MINK1: variants seen among roughly 807,000 people sequenced by gnomAD.
MINK1 encodes misshapen-like kinase 1.
Under a neutral mutation model 178.4 loss-of-function variants are expected in MINK1, and 46 were observed. That is an observed-to-expected ratio of 0.26 (90% confidence interval 0.20 to 0.33). The LOEUF is 0.33. MINK1 is among the 10% of genes least tolerant of loss of function. MINK1 has a pLI of 1.00. For synonymous variants in MINK1, 797 were observed against 709.7 expected (o/e 1.12, Z -1.96); for missense variants, 1,366 against 1,814.9 (o/e 0.75, Z 4.49).
At chr17:4,853,532 G>C (rs137902653) in intron 1 of MINK1, among the ~76,000 whole-genome samples, 1 of 151,812 alleles carries the variant, frequency 6.6e-6, no homozygotes. Context: ...AAGTTTGAGC[G>C]CTTGCTTCAC....
At chr17:4,893,233 A>C (rs1464401885) in intron 20 of MINK1, 166 bp downstream of exon 20, 1 of 1,608,000 alleles carries the variant, frequency 6.2e-7, no homozygotes, top group Non-Finnish European at 8.5e-7. Flanking sequence ...CTCTCTCCTA[A>C]CCTCTCTCCT....
chr17:4,887,628 C>T lies in MINK1; in HGVS notation c.1068C>T (p.Leu356=), dbSNP rs1433534315. 6.4e-7 allele frequency: 1 copy of T among 1,566,982 alleles called. No homozygotes were observed. Among genetic ancestry groups the T allele is most frequent in the South Asian group, 1.2e-5 (1 of 84,534 alleles). ...AGTCGACTCTACGCCGGGAGTTTCT[C>T]CGGCTCCAGCAGGAAAATAAGAGCA... ...PGESTLRREF[L]RLQQENKSNS... is the part of the protein sequence containing the mutation. Residue 356 remains leucine (L), a synonymous_variant, in exon 12 of 32, where the codon CTC becomes CTT. Transcript: ENST00000355280. This position sits in a 1 kb window ranked among gnomAD's most constrained non-coding sequence, Gnocchi z 7.6.
chr17:4,860,337 G>C (rs1597437345), intron 1 of MINK1, among the ~76,000 whole-genome samples: 3 of 152,148 alleles, frequency 2.0e-5, no homozygotes, highest in Non-Finnish European at 4.4e-5. Context: ...GGGACTGACG[G>C]GGGTTTCACC....
In MINK1 at chr17:4,887,511, C is replaced by A; in HGVS notation, c.1020-69C>A. 7.2e-7 allele frequency: 1 copy of A among 1,384,548 alleles called. No homozygotes were observed. The highest frequency in any genetic ancestry group is 9.6e-7 in the Non-Finnish European group (1 of 1,039,300). 85.8% of individuals were successfully genotyped at this position (1,384,548 alleles called of 1,614,324 possible). On this transcript the variant is annotated intron_variant, in intron 11 of 31. Transcript: ENST00000355280. The surrounding 1 kb of genome is among the most constrained non-coding windows in gnomAD (Gnocchi z 7.6). ...CAGTTAAAGCACCCACTCAGGCGGG[C>A]CCACGGGGTTGAGAGTGGGAACCAA...
intron 1 of MINK1, among the ~76,000 whole-genome samples, chr17:4,862,312 T>A (rs946226206): frequency 6.6e-6 from 1 of 152,120 alleles, no homozygotes; most frequent in Non-Finnish European, 1.5e-5. Context: ...CTCTGTAAAG[T>A]GAGAATAATA....
In MINK1 at chr17:4,882,198, T is replaced by A. The variant is rs567432797; in HGVS notation, c.306+941T>A. 2.7e-4 allele frequency among the ~76,000 whole-genome samples: 41 copies of A among 152,338 alleles called. 1 individual carries two copies. In the East Asian group the frequency reaches 7.3e-3, roughly 27 times the overall value. Reference sequence around the variant, plus strand: ...TTCTGGACCTGTTGGGCACAGGTCCTCCCCTCCTCTCACTGTGCTCTGCTC... The same window carrying A: ...TTCTGGACCTGTTGGGCACAGGTCCACCCCTCCTCTCACTGTGCTCTGCTC... On this transcript the variant is annotated intron_variant, in intron 4 of 31. Coordinates refer to ENST00000355280, the MANE Select transcript of MINK1 (RefSeq NM_153827.5).
chr17:4,847,759 G>T (rs1345736620), intron 1 of MINK1, among the ~76,000 whole-genome samples: 1 of 152,200 alleles, frequency 6.6e-6, no homozygotes, highest in Non-Finnish European at 1.5e-5. Context: ...GGCGGGTGGT[G>T]TCTCAGAGCT....
At chr17:4,871,003 C>A in intron 1 of MINK1, 1 of 281,552 alleles carries the variant, frequency 3.6e-6, no homozygotes, top group Non-Finnish European at 7.7e-6. Context: ...CCCTGGCAAC[C>A]ACTAATCTAC....
chr17:4,837,267 C>T (rs910409023), intron 1 of MINK1, among the ~76,000 whole-genome samples: 1 of 152,114 alleles, frequency 6.6e-6, no homozygotes, highest in Admixed American at 6.5e-5. Flanking sequence ...ATCCCCAGTG[C>T]CTGTAAGCAT....
rs549456792 is a variant in MINK1 at position 4,892,317 on chromosome 17, A to T, written c.2087+83A>T. On this transcript the variant is annotated intron_variant, in intron 17 of 31. Coordinates refer to ENST00000355280, the MANE Select transcript of MINK1 (RefSeq NM_153827.5). ...GGGGGCACAGGGACTTTACCAGCCT[A>T]CCCGCCTGGGGGTGGGAAAGCCCCA... 4 of 1,439,420 alleles carry T rather than the reference A, an allele frequency of 2.8e-6. No homozygotes were observed. In the African/African-American group the frequency reaches 6.8e-5, roughly 24 times the overall value. The allele number at this position is 1,439,420 out of a possible 1,614,324, so 89.2% of individuals were successfully genotyped here. A position where few individuals can be genotyped will look rare whatever the true frequency, so the allele number is the denominator to read the frequency against.
chr17:4,854,226 C>G (rs1185621008), intron 1 of MINK1, among the ~76,000 whole-genome samples: 1 of 152,146 alleles, frequency 6.6e-6, no homozygotes, highest in East Asian at 1.9e-4. Flanking sequence ...CCCTCACTCC[C>G]TCCCCCACCA....
rs116268990 is a variant in MINK1 at position 4,891,235 on chromosome 17, C to T, written c.1740+111C>T. On this transcript the variant is annotated intron_variant, in intron 15 of 31. Coordinates refer to ENST00000355280, the MANE Select transcript of MINK1 (RefSeq NM_153827.5). ...ACACACACACACACACCTGCTCAGC[C>T]GTGAGCCAGGATTACAGAGCACAGG... 1,042 of 1,169,914 alleles carry T rather than the reference C, an allele frequency of 8.9e-4. 5 individuals carry two copies. The African/African-American group carries it at 0.014, about 16-fold the overall frequency. The allele number at this position is 1,169,914 out of a possible 1,614,324, so 72.5% of individuals were successfully genotyped here. A position where few individuals can be genotyped will look rare whatever the true frequency, so the allele number is the denominator to read the frequency against.
intron 1 of MINK1, among the ~76,000 whole-genome samples, chr17:4,848,323 G>A (rs1418387138): frequency 2.6e-5 from 4 of 152,156 alleles, no homozygotes; most frequent in East Asian, 3.9e-4. Flanking sequence ...CACTTACTAC[G>A]TGTTCTTTGG....
intron 1 of MINK1, chr17:4,857,158 C>T: frequency 1.1e-5 from 3 of 269,794 alleles, no homozygotes; most frequent in Non-Finnish European, 2.2e-5. Flanking sequence ...GCAGGGGGGA[C>T]AGCCGCCACT....
intron 1 of MINK1, among the ~76,000 whole-genome samples, chr17:4,877,105 A>AG (rs1967249741): frequency 1.3e-5 from 2 of 151,258 alleles, no homozygotes; most frequent in African/African-American, 4.9e-5. Flanking sequence ...AAAAAAAAAA[A>AG]GAGCCATCAT....
chr17:4,875,163 C>A (rs749321932), intron 1 of MINK1: 2 of 519,952 alleles, frequency 3.8e-6, no homozygotes, highest in Middle Eastern at 3.2e-4. Flanking sequence ...ACTCTATGGT[C>A]TTTGAGCCTC....
At position 4,890,820 on chromosome 17, in the gene MINK1, G is replaced by C. The variant is rs2151039927; in HGVS notation, c.1566+85G>C. 2.0e-6 allele frequency: 3 copies of C among 1,517,318 alleles called. No individual in the cohort carries two copies. The South Asian group carries it at 3.7e-5, about 19-fold the overall frequency. 94.0% of individuals were successfully genotyped at this position (1,517,318 alleles called of 1,614,324 possible). A position where few individuals can be genotyped will look rare whatever the true frequency, so the allele number is the denominator to read the frequency against. On this transcript the variant is annotated intron_variant, in intron 14 of 31. Coordinates refer to ENST00000355280, the MANE Select transcript of MINK1 (RefSeq NM_153827.5). ...CCACAAGAAGTAGTAGTTCACAGTAGCAGGCACCAAGTAGGGGAAAGGAGC... is the reference window on the plus strand; with the variant it reads ...CCACAAGAAGTAGTAGTTCACAGTACCAGGCACCAAGTAGGGGAAAGGAGC...
Position 4,894,942 on chromosome 17 carries a change from C to T in MINK1, c.2918-133C>T. On this transcript the variant is annotated intron_variant, in intron 24 of 31. Coordinates refer to ENST00000355280, the MANE Select transcript of MINK1 (RefSeq NM_153827.5). This position sits in a 1 kb window ranked among gnomAD's most constrained non-coding sequence, Gnocchi z 4.1. ...GCACTCTATCCCCCTCTCCCATGCACCTCCTCTCCTCCTGTCTTTCTCCTC... is the reference window on the plus strand; with the variant it reads ...GCACTCTATCCCCCTCTCCCATGCATCTCCTCTCCTCCTGTCTTTCTCCTC... The T allele has an allele frequency of 1.0e-6, 1 of 990,528 alleles. No homozygotes were observed. The highest frequency in any genetic ancestry group is 1.6e-5 in the South Asian group (1 of 63,302). 61.4% of individuals were successfully genotyped at this position (990,528 alleles called of 1,614,324 possible).
intron 15 of MINK1, 128 bp from the exon 16 acceptor site, chr17:4,891,328 C>A: frequency 7.4e-7 from 1 of 1,342,646 alleles, no homozygotes; most frequent in Non-Finnish European, 1.0e-6. Flanking sequence ...TGTCATCAGG[C>A]TCAAGGAACC....
Sources: allele counts gnomAD v4.1 joint callset (sites outside exome capture counted in the v4.1 genomes callset), GRCh38; gene constraint gnomAD v4.1.1; non-coding constraint Gnocchi (gnomAD v3.1); transcripts MANE v1.5; gene names NCBI Gene and HGNC (gene_info 2026-07-23, HGNC 2026-07-21).